PCNT: variants seen among roughly 807,000 people sequenced by gnomAD.
PCNT encodes the protein kendrin.
Under a neutral mutation model 380.4 loss-of-function variants are expected in PCNT, and 319 were observed. The observed-to-expected ratio is 0.84, with a 90% CI of 0.77 to 0.92. PCNT has a LOEUF of 0.92. Ranked by LOEUF, PCNT falls within the 40% of genes least tolerant of loss-of-function variation. The pLI, the probability that PCNT is intolerant of heterozygous loss-of-function variation, is 0.00. For missense variants in PCNT, 4,400 were observed against 4,255.3 expected (o/e 1.03, Z -0.95); for synonymous variants, 1,845 against 1,735.2 (o/e 1.06, Z -1.57).
rs998008536 is a variant in PCNT at position 46,416,252 on chromosome 21, G to A, written c.6334G>A (p.Asp2112Asn). Residue 2112 changes from aspartate (D) to asparagine (N), a missense_variant, in exon 30 of 47, where the codon GAT becomes AAT. By Grantham distance (23) the Asp-to-Asn change is conservative. Coordinates refer to ENST00000359568, the MANE Select transcript of PCNT (RefSeq NM_006031.6). ...SAHLLESSWSDDSCDGEEPDI... is the reference protein window; with the variant it reads ...SAHLLESSWSNDSCDGEEPDI... ...ACACCTGTTGGAGAGCAGCTGGAGTGATGATTCCTGTGACGGAGAAGAGCC... is the reference window on the plus strand; with the variant it reads ...ACACCTGTTGGAGAGCAGCTGGAGTAATGATTCCTGTGACGGAGAAGAGCC... The A allele has an allele frequency of 1.5e-5, 25 of 1,614,082 alleles. No homozygotes were observed. The highest frequency in any genetic ancestry group is 1.9e-5 in the Non-Finnish European group (23 of 1,180,030).
intron 16 of PCNT, among the ~76,000 whole-genome samples, chr21:46,384,391 GTGT>G (rs1308237597): frequency 4.1e-5 from 6 of 147,068 alleles, no homozygotes; most frequent in Admixed American, 6.9e-5. Context: ...CGCATTCACG[GTGT>G]TGTGCATTCA....
At chr21:46,356,024 G>C (rs1028773094) in intron 12 of PCNT, among the ~76,000 whole-genome samples, 4 of 152,228 alleles carry the variant, frequency 2.6e-5, no homozygotes, top group Admixed American at 1.3e-4. Flanking sequence ...CGCCTAGTCA[G>C]ACTAAGGTTG....
At chr21:46,435,767 C>G in intron 38 of PCNT, 137 bp from the exon 39 acceptor site, 1 of 900,562 alleles carries the variant, frequency 1.1e-6, no homozygotes, top group Non-Finnish European at 1.8e-6. Context: ...TGGTCTCAAT[C>G]TCCTGACCTC....
rs1375421950 is a variant in PCNT, at chr21:46,381,799, T to C, written c.3271T>C (p.Leu1091=). Residue 1091 remains leucine (L), a synonymous_variant, in exon 16 of 47, where the codon TTG becomes CTG. Coordinates refer to ENST00000359568, the MANE Select transcript of PCNT (RefSeq NM_006031.6). The stretch of plus-strand genomic sequence containing the variant: ...TTTTCACCAAGAGGAGAAAGAGTCT[T>C]TGTCTCTGCAGCTTCAAAAGAAGAA... ...QPFHQEEKES[L]SLQLQKKNHQ... 8 of 1,614,202 alleles carry C rather than the reference T, an allele frequency of 5.0e-6. No homozygotes were observed. The highest frequency in any genetic ancestry group is 6.8e-6 in the Non-Finnish European group (8 of 1,180,028).
At position 46,326,461 on chromosome 21, in the gene PCNT, G is replaced by A. The variant is rs112837071; in HGVS notation, c.139G>A (p.Asp47Asn). ...KTAKRKGSAVDASVQEESPVT... is the reference protein window; with the variant it reads ...KTAKRKGSAVNASVQEESPVT... ...GGCGAAGAGGAAGGGCTCGGCTGTC[G>A]ATGCGTCTGTCCAGGAGGAGAGTCC... Residue 47 changes from aspartate to asparagine, a missense_variant, in exon 2 of 47, where the codon GAT becomes AAT. By Grantham distance (23) the Asp-to-Asn change is conservative. Coordinates refer to ENST00000359568, the MANE Select transcript of PCNT (RefSeq NM_006031.6). 4 of 1,614,104 alleles carry A rather than the reference G, an allele frequency of 2.5e-6. No individual in the cohort carries two copies. The highest frequency in any genetic ancestry group is 2.7e-5 in the African/African-American group (2 of 74,940).
At chr21:46,406,332 G>T (rs1034165986) in intron 27 of PCNT, among the ~76,000 whole-genome samples, 1 of 152,004 alleles carries the variant, frequency 6.6e-6, no homozygotes, top group African/African-American at 2.4e-5. Context: ...TATTCTACAG[G>T]TTTTAATAAA....
chr21:46,375,997 G>A (rs1487663717), intron 15 of PCNT, among the ~76,000 whole-genome samples: 7 of 152,182 alleles, frequency 4.6e-5, no homozygotes, highest in African/African-American at 1.4e-4. Context: ...TGGAGGGAGC[G>A]CCACCTCTGT....
intron 32 of PCNT, among the ~76,000 whole-genome samples, chr21:46,423,249 A>G (rs74323354): frequency 0.13 from 18,866 of 147,944 alleles, 1,800 homozygotes; most frequent in African/African-American, 0.27. Context: ...GTCACCCAGC[A>G]GTGCAGTCAC....
intron 46 of PCNT, 58 bp from the exon 47 acceptor site, chr21:46,445,226 T>C: frequency 1.7e-6 from 2 of 1,203,920 alleles, no homozygotes; most frequent in East Asian, 4.7e-5. Context: ...GGAATTCTTT[T>C]CAAAAAATCT....
chr21:46,367,281 G>A (rs2084962541), intron 15 of PCNT, 142 bp downstream of exon 15: 2 of 674,466 alleles, frequency 3.0e-6, no homozygotes, highest in Admixed American at 5.3e-5. Context: ...CGAGATCAGT[G>A]GGGACTTCTG....
Position 46,412,115 on chromosome 21 carries a change from T to G in PCNT, c.5994+48T>G, listed in dbSNP as rs73379348. ...GGCAGGGTATTTTTTTTTACTCTCC[T>G]TTTCTCCTTTGATGTCAATGACTTC... On this transcript the variant is annotated intron_variant, in intron 28 of 46. Coordinates refer to ENST00000359568, the MANE Select transcript of PCNT (RefSeq NM_006031.6). 0.091 allele frequency: 143,198 copies of G among 1,581,324 alleles called. 12,031 individuals are homozygous for G. Among genetic ancestry groups the G allele is most frequent in the African/African-American group, 0.45 (33,434 of 74,440 alleles).
intron 16 of PCNT, among the ~76,000 whole-genome samples, chr21:46,383,359 G>A (rs562436698): frequency 1.2e-4 from 17 of 146,442 alleles, no homozygotes; most frequent in South Asian, 6.8e-4. Context: ...ATTCAGTGGC[G>A]GAAGCGCATT....
Position 46,432,168 on chromosome 21 carries a change from G to A in PCNT, c.8704G>A (p.Ala2902Thr), listed in dbSNP as rs541252480. The part of the protein sequence containing the change: ...RRSAEARQSP[A>T]AAEQWRKWQR... ...GAGCGCGGAGGCCAGGCAGAGCCCAGCGGCTGCGGAGCAGTGGAGGAAGTG... is the reference window on the plus strand; with the variant it reads ...GAGCGCGGAGGCCAGGCAGAGCCCAACGGCTGCGGAGCAGTGGAGGAAGTG... Residue 2902 changes from alanine (A) to threonine (T), a missense_variant, in exon 38 of 47, where the codon GCG becomes ACG. Transcript: ENST00000359568. 6.2e-7 allele frequency: 1 copy of A among 1,613,362 alleles called. No individual in the cohort carries two copies. The highest frequency in any genetic ancestry group is 1.1e-5 in the South Asian group (1 of 91,046).
chr21:46,422,180 C>G (rs2087281864), intron 32 of PCNT, 56 bp downstream of exon 32: 3 of 1,602,652 alleles, frequency 1.9e-6, no homozygotes, highest in Non-Finnish European at 2.6e-6. Context: ...CGGGGCATCC[C>G]CCAAGCCCTG....
chr21:46,349,866 T>A, intron 8 of PCNT, 46 bp downstream of exon 8: 1 of 1,581,374 alleles, frequency 6.3e-7, no homozygotes, highest in Non-Finnish European at 8.7e-7. Flanking sequence ...ATTAGGGAAG[T>A]TTTAACAGAT....
At chr21:46,431,327 A>C in intron 37 of PCNT, 1 of 1,433,802 alleles carries the variant, frequency 7.0e-7, no homozygotes, top group Non-Finnish European at 9.1e-7. Flanking sequence ...ATTTCCGAAA[A>C]AAGTATGTCA....
chr21:46,421,272 C>CG (rs1469491305), intron 31 of PCNT, among the ~76,000 whole-genome samples: 1 of 152,086 alleles, frequency 6.6e-6, no homozygotes, highest in African/African-American at 2.4e-5. Flanking sequence ...TTTGTCCACA[C>CG]GGGGGCCCCG....
chr21:46,411,552 G>A lies in PCNT; in HGVS notation c.5479G>A (p.Ala1827Thr), dbSNP rs563470468. Residue 1827 changes from alanine to threonine, a missense_variant, in exon 28 of 47, where the codon GCA becomes ACA. By Grantham distance (58) the Ala-to-Thr change is moderately conservative (BLOSUM62 0). Coordinates refer to ENST00000359568, the MANE Select transcript of PCNT (RefSeq NM_006031.6). ...LEALQQRLQG[A>T]EEAAELQLAE... is the part of the protein sequence containing the mutation. ...GGCCCTGCAGCAGCGCCTCCAGGGC[G>A]CAGAGGAGGCTGCGGAGCTACAGCT... 1.7e-4 allele frequency: 275 copies of A among 1,612,212 alleles called. No individual in the cohort carries two copies. The South Asian group carries it at 1.8e-3, about 11-fold the overall frequency.
At chr21:46,426,376 C>A (rs2087506333) in intron 33 of PCNT, among the ~76,000 whole-genome samples, 1 of 152,104 alleles carries the variant, frequency 6.6e-6, no homozygotes, top group East Asian at 1.9e-4. Context: ...GTCCAAGAAC[C>A]CTGGGGAGGC....
Sources: allele counts gnomAD v4.1 joint callset (sites outside exome capture counted in the v4.1 genomes callset), GRCh38; gene constraint gnomAD v4.1.1; transcripts MANE v1.5; gene names NCBI Gene and HGNC (gene_info 2026-07-23, HGNC 2026-07-21).